TBCD: variants seen among roughly 807,000 people sequenced by gnomAD.
TBCD encodes the protein tubulin-specific chaperone D.
TBCD carries 105 observed loss-of-function variants against 169.3 expected under a neutral mutation model. The observed-to-expected ratio is 0.62, with a 90% CI of 0.53 to 0.73. TBCD has a LOEUF of 0.73. Among genes scored for constraint, TBCD ranks in the 30% least tolerant of loss-of-function variants. TBCD has a pLI of 0.00. For synonymous variants in TBCD, 700 were observed against 643.9 expected, an observed-to-expected ratio of 1.09 and a Z score of -1.32; for missense variants, 1,444 against 1,600.1, an observed-to-expected ratio of 0.90 and a Z score of 1.66.
intron 33 of TBCD, among the ~76,000 whole-genome samples, chr17:82,931,657 G>T (rs1385248343): frequency 1.3e-5 from 2 of 152,236 alleles, no homozygotes; most frequent in Non-Finnish European, 2.9e-5. Context: ...GTGTGTGCGA[G>T]CCTGTGGGTA....
chr17:82,921,357 A>G, intron 24 of TBCD, 144 bp from the exon 25 acceptor site: 1 of 690,664 alleles, frequency 1.4e-6, no homozygotes, highest in East Asian at 2.7e-5. Context: ...AACGTGGAGA[A>G]TGTTCACTTT....
At position 82,789,453 on chromosome 17, in the gene TBCD, C is replaced by T. The variant is rs1448888759; in HGVS notation, c.771+7732C>T. On this transcript the variant is annotated intron_variant, in intron 7 of 38. Transcript: ENST00000355528. This position sits in a 1 kb window ranked among gnomAD's most constrained non-coding sequence, Gnocchi z 4.8. ...GGGCTTGGCGGGTCACCAGCCTCACCCCGCTCAGTTCTTAGATGAGGAAGA... is the reference window on the plus strand; with the variant it reads ...GGGCTTGGCGGGTCACCAGCCTCACTCCGCTCAGTTCTTAGATGAGGAAGA... 6.6e-6 allele frequency among the ~76,000 whole-genome samples: 1 copy of T among 152,214 alleles called. No individual in the cohort carries two copies. The highest frequency in any genetic ancestry group is 1.5e-5 in the Non-Finnish European group (1 of 68,038).
chr17:82,924,358 C>T (rs531784653), intron 26 of TBCD, among the ~76,000 whole-genome samples: 14 of 152,350 alleles, frequency 9.2e-5, no homozygotes, highest in African/African-American at 3.4e-4. Context: ...TAGCATTAGG[C>T]TGGCTTTACG....
rs547779735 is a variant in TBCD at position 82,843,732 on chromosome 17, C to T, written c.1319-26492C>T. ...ATATTCTTATTAGTTTATGATTCTTCTTTCAAAGGTAAGGTTTACATTCAG... is the reference window on the plus strand; with the variant it reads ...ATATTCTTATTAGTTTATGATTCTTTTTTCAAAGGTAAGGTTTACATTCAG... On this transcript the variant is annotated intron_variant, in intron 13 of 38. Coordinates refer to ENST00000355528, the MANE Select transcript of TBCD (RefSeq NM_005993.5). Among the ~76,000 whole-genome samples, 23 of 152,278 alleles carry T rather than the reference C, an allele frequency of 1.5e-4. 1 individual carries two copies. In the East Asian group the frequency reaches 4.2e-3, roughly 28 times the overall value.
intron 4 of TBCD, among the ~76,000 whole-genome samples, chr17:82,768,161 T>C (rs2048117107): frequency 6.6e-6 from 1 of 152,200 alleles, no homozygotes. Flanking sequence ...TGATGTATTA[T>C]GATTTTTCTT....
intron 6 of TBCD, among the ~76,000 whole-genome samples, chr17:82,777,137 C>T (rs114608259): frequency 0.013 from 1,945 of 152,140 alleles, 57 homozygotes; most frequent in African/African-American, 0.044. Context: ...TACTTTTAAG[C>T]CTGCAGTCTT....
chr17:82,901,228 G>A (rs1168216564), intron 18 of TBCD, among the ~76,000 whole-genome samples: 1 of 152,206 alleles, frequency 6.6e-6, no homozygotes, highest in Non-Finnish European at 1.5e-5. Context: ...AGTGAAGTGC[G>A]GTCTGGAGCA....
chr17:82,815,607 G>A (rs2051830192), intron 13 of TBCD, among the ~76,000 whole-genome samples: 1 of 152,242 alleles, frequency 6.6e-6, no homozygotes, highest in Non-Finnish European at 1.5e-5. Context: ...GGTGGGGAGA[G>A]TCCCTGGGTG....
At chr17:82,888,906 G>A (rs1046809465) in intron 15 of TBCD, among the ~76,000 whole-genome samples, 2 of 152,344 alleles carry the variant, frequency 1.3e-5, no homozygotes, top group African/African-American at 4.8e-5. Flanking sequence ...CTGGTGGTGT[G>A]TGTGGTGTGG....
chr17:82,779,330 A>G (rs1175249711), intron 6 of TBCD, among the ~76,000 whole-genome samples: 1 of 152,056 alleles, frequency 6.6e-6, no homozygotes, highest in East Asian at 1.9e-4. Flanking sequence ...CATGTTTACC[A>G]GGCTGGTCTT....
At chr17:82,871,230 A>G (rs1449067449) in intron 14 of TBCD, among the ~76,000 whole-genome samples, 1 of 1,900 alleles carries the variant, frequency 5.3e-4, no homozygotes. Context: ...GGAAACATGC[A>G]AAACATGTGT....
Position 82,831,592 on chromosome 17 carries a change from G to A in TBCD, c.1318+16658G>A, listed in dbSNP as rs35653278. On this transcript the variant is annotated intron_variant, in intron 13 of 38. Transcript: ENST00000355528. The surrounding 1 kb of genome is among the most constrained non-coding windows in gnomAD (Gnocchi z 4.6). ...AGCCAGGTGCTTAGGGATCGGCCCC[G>A]GGTGAGGCAGGAAGTGTCTCGGGTC... 0.09 allele frequency: 145,632 copies of A among 1,614,130 alleles called. 7,861 individuals carry two copies. The highest frequency in any genetic ancestry group is 0.11 in the Non-Finnish European group (126,619 of 1,179,992).
At chr17:82,802,347 A>C (rs8074430) in intron 9 of TBCD, among the ~76,000 whole-genome samples, 54,911 of 151,436 alleles carry the variant, frequency 0.36, 10,243 homozygotes, top group Middle Eastern at 0.41. Flanking sequence ...GATGATGGCA[A>C]ATTCCAGAGA....
chr17:82,800,651 C>G (rs949639390), intron 8 of TBCD, among the ~76,000 whole-genome samples: 10 of 152,148 alleles, frequency 6.6e-5, no homozygotes, highest in Non-Finnish European at 1.3e-4. Context: ...AGTACTTGCT[C>G]TCCTGACCTC....
intron 8 of TBCD, among the ~76,000 whole-genome samples, chr17:82,798,909 A>AT (rs1049482352): frequency 3.0e-4 from 46 of 151,710 alleles, no homozygotes; most frequent in African/African-American, 1.1e-3. Flanking sequence ...CGCCCGGCTA[A>AT]TTTTTTTAGC....
intron 13 of TBCD, among the ~76,000 whole-genome samples, chr17:82,819,066 GA>G (rs917694111): frequency 3.3e-5 from 5 of 151,928 alleles, no homozygotes; most frequent in East Asian, 3.9e-4. Flanking sequence ...TCAAAAAAAA[GA>G]AAAAAAAGCG....
At chr17:82,836,296 G>C (rs772915328) in intron 13 of TBCD, among the ~76,000 whole-genome samples, 3 of 152,214 alleles carry the variant, frequency 2.0e-5, no homozygotes, top group Non-Finnish European at 4.4e-5. Flanking sequence ...GGTTCTGAAG[G>C]CGTGAGAACC....
intron 13 of TBCD, among the ~76,000 whole-genome samples, chr17:82,825,672 G>A (rs986903439): frequency 8.5e-5 from 13 of 152,188 alleles, no homozygotes; most frequent in Admixed American, 6.5e-4. Context: ...CCTCTTACAA[G>A]TTTTATAGAA....
Position 82,932,692 on chromosome 17 carries a change from G to A in TBCD, c.3148G>A (p.Val1050Met), listed in dbSNP as rs768705760. 1.1e-5 allele frequency: 18 copies of A among 1,613,706 alleles called. No homozygotes were observed. The highest frequency in any genetic ancestry group is 6.6e-5 in the South Asian group (6 of 91,022). Residue 1050 changes from valine to methionine, a missense_variant, in exon 34 of 39, where the codon GTG becomes ATG. Val to Met is a conservative substitution (Grantham distance 21). Transcript: ENST00000355528. ...GCCGCTGCTGAAGACGCTGGACCAC[G>A]TGCTCACCCACGGCTGCTTCGACAT... The part of the protein sequence containing the change: ...SVPLLKTLDH[V>M]LTHGCFDIFT...
Sources: allele counts gnomAD v4.1 joint callset (sites outside exome capture counted in the v4.1 genomes callset), GRCh38; gene constraint gnomAD v4.1.1; non-coding constraint Gnocchi (gnomAD v3.1); transcripts MANE v1.5; gene names NCBI Gene and HGNC (gene_info 2026-07-23, HGNC 2026-07-21).